Variants in ERCC6 observed in about 807,000 individuals in gnomAD.
ERCC6 encodes the protein DNA excision repair protein ERCC-6.
In ERCC6, 116 loss-of-function variants were observed where a neutral mutation model predicts 158.7. The observed-to-expected ratio is 0.73, with a 90% CI of 0.63 to 0.85. The LOEUF is 0.85. Among genes scored for constraint, ERCC6 ranks in the 40% least tolerant of loss-of-function variants. ERCC6 has a pLI of 0.00. For missense variants in ERCC6, 1,698 were observed against 1,799.4 expected (o/e 0.94, Z 1.02); for synonymous variants, 678 against 659.3 (o/e 1.03, Z -0.43).
At chr10:49,478,605 T>C (rs572788644) in intron 10 of ERCC6, 135 bp from the exon 11 acceptor site, 25 of 720,530 alleles carry the variant, frequency 3.5e-5, no homozygotes, top group Admixed American at 1.8e-4. Flanking sequence ...TGGGAAATGA[T>C]TGCAAAATGG....
In ERCC6 at chr10:49,486,489, ACT is replaced by A. The variant is rs1851080537; in HGVS notation, c.1822-2975_1822-2974del. Among the ~76,000 whole-genome samples the A allele has an allele frequency of 2.6e-5, 4 of 152,210 alleles. No individual in the cohort carries two copies. The South Asian group carries it at 8.3e-4, about 32-fold the overall frequency. On this transcript the variant is annotated intron_variant, in intron 8 of 20. Coordinates refer to ENST00000355832, the MANE Select transcript of ERCC6 (RefSeq NM_000124.4). ...GAATTGATAAAGCAAAATAATAATA[ACT>A]CTTTGGAAAGACTAAACCAAACAAA...
rs1032901560 is a variant in ERCC6, at chr10:49,501,671, T to C, written c.1527-975A>G. 13 of 152,100 alleles carry C rather than the reference T, an allele frequency of 8.5e-5. 1 individual carries two copies. The highest frequency in any genetic ancestry group is 6.6e-4 in the Admixed American group (10 of 15,266). The allele number at this position is 152,100 out of a possible 1,614,324, so 9.4% of individuals were successfully genotyped here. A position where few individuals can be genotyped will look rare whatever the true frequency, so the allele number is the denominator to read the frequency against. ...AAAAACCACTTGAATTAAAAGATGA[T>C]AGGTTAGATGAGGTGGCTCATGCCT... On this transcript the variant is annotated intron_variant, in intron 6 of 20. Transcript: ENST00000355832.
At position 49,474,090 on chromosome 10, in the gene ERCC6, C is replaced by G; in HGVS notation, c.2535G>C (p.Glu845Asp). ...WKRSGKMIVVESLLKIWHKQG... is the reference protein window; with the variant it reads ...WKRSGKMIVVDSLLKIWHKQG... ...GCTTGTGCCATATTTTCAACAAAGACTCAACAACAATCATTTTCCCAGAAC... is the reference window on the plus strand; with the variant it reads ...GCTTGTGCCATATTTTCAACAAAGAGTCAACAACAATCATTTTCCCAGAAC... Residue 845 changes from glutamate (E) to aspartate (D), a missense_variant, in exon 13 of 21, where the codon GAG (glutamate) becomes GAC (aspartate). By Grantham distance (45) the Glu-to-Asp change is conservative. Transcript: ENST00000355832. 1.2e-6 allele frequency: 2 copies of G among 1,614,164 alleles called. No individual in the cohort carries two copies. Among genetic ancestry groups the G allele is most frequent in the Non-Finnish European group, 1.7e-6 (2 of 1,180,032 alleles).
the ERCC6 span, among the ~76,000 whole-genome samples, chr10:49,438,127 T>C: frequency 1.3e-5 from 2 of 152,140 alleles, no homozygotes; most frequent in Non-Finnish European, 2.9e-5. Flanking sequence ...ACACTGCAGA[T>C]CCAGTGTGGA....
In ERCC6 at chr10:49,524,134, T is replaced by C; in HGVS notation, c.1296A>G (p.Glu432=). 1 of 1,614,140 alleles carries C rather than the reference T, an allele frequency of 6.2e-7. No homozygotes were observed. The highest frequency in any genetic ancestry group is 2.2e-5 in the East Asian group (1 of 44,892). The change falls in exon 5 of 21, where the codon GAA becomes GAG. Residue 432 remains glutamate, a synonymous_variant. Transcript: ENST00000355832. ...IDDDFFPSSG[E]EAEAASVGEG... ...CTCCTACAGAAGCAGCTTCAGCTTC[T>C]TCCCCAGAACTTGGGAAAAAGTCAT...
intron 1 of ERCC6, among the ~76,000 whole-genome samples, chr10:49,534,133 C>CAAAAAA (rs746772551): frequency 1.5e-4 from 9 of 60,288 alleles, no homozygotes; most frequent in East Asian, 4.8e-4. Context: ...GACTCAATCT[C>CAAAAAA]AAAAAAAAAA....
intron 5 of ERCC6, chr10:49,515,802 G>C: frequency 6.2e-7 from 1 of 1,614,110 alleles, no homozygotes; most frequent in African/African-American, 1.3e-5. Flanking sequence ...CAGTTTCTGG[G>C]AGTAACGACT....
chr10:49,459,439 TA>T (rs1007428054), intron 20 of ERCC6, among the ~76,000 whole-genome samples: 1 of 150,158 alleles, frequency 6.7e-6, no homozygotes. Context: ...GACCGTTTCC[TA>T]AAAAAAAATA....
chr10:49,478,208 A>G, intron 11 of ERCC6, 146 bp downstream of exon 11: 1 of 763,716 alleles, frequency 1.3e-6, no homozygotes, highest in South Asian at 1.4e-5. Flanking sequence ...GAATCCACTG[A>G]GGGCAGACGC....
At chr10:49,454,269 C>T (rs1387361608), downstream of ERCC6, among the ~76,000 whole-genome samples, 1 of 152,094 alleles carries the variant, frequency 6.6e-6, no homozygotes, top group Non-Finnish European at 1.5e-5. Flanking sequence ...TAGTTTTTAA[C>T]TTCATGAATT....
At chr10:49,451,438 G>A (rs968679213), downstream of ERCC6, among the ~76,000 whole-genome samples, 3 of 151,986 alleles carry the variant, frequency 2.0e-5, no homozygotes, top group African/African-American at 4.8e-5. Flanking sequence ...TTCTTTATCA[G>A]GTTAAGGTAG....
chr10:49,498,813 C>T (rs1851308301), intron 7 of ERCC6, among the ~76,000 whole-genome samples: 1 of 152,096 alleles, frequency 6.6e-6, no homozygotes, highest in South Asian at 2.1e-4. Context: ...GACCTGAGCA[C>T]TGGACTCCAC....
chr10:49,449,974 G>C (rs1433861776), downstream of ERCC6, among the ~76,000 whole-genome samples: 1 of 152,118 alleles, frequency 6.6e-6, no homozygotes, highest in Non-Finnish European at 1.5e-5. Flanking sequence ...CTGGGCTCAA[G>C]TGATCCTCTC....
At chr10:49,441,351 G>A in the ERCC6 span, among the ~76,000 whole-genome samples, 449 of 152,288 alleles carry the variant, frequency 2.9e-3, no homozygotes, top group Middle Eastern at 0.01. Context: ...TATGGAGGCC[G>A]AGGAAAACCC....
rs938049606 is a variant in ERCC6, at chr10:49,515,537, G to C, written c.1397+8496C>G. On this transcript the variant is annotated intron_variant, in intron 5 of 20. Coordinates refer to ENST00000355832, the MANE Select transcript of ERCC6 (RefSeq NM_000124.4). ...GGCCAGGTTCTGGAGGATGACCATG[G>C]GTCTCCAGATAATGGCATACCACAC... 6 of 1,613,906 alleles carry C rather than the reference G, an allele frequency of 3.7e-6. No individual in the cohort carries two copies. The Admixed American group carries it at 8.3e-5, about 22-fold the overall frequency.
At chr10:49,512,787 G>T (rs1356346131) in intron 5 of ERCC6, among the ~76,000 whole-genome samples, 1 of 152,184 alleles carries the variant, frequency 6.6e-6, no homozygotes, top group Admixed American at 6.5e-5. Flanking sequence ...AATATTTTGT[G>T]CATGAAACGA....
At chr10:49,453,209 A>C, downstream of ERCC6, among the ~76,000 whole-genome samples, 1 of 152,094 alleles carries the variant, frequency 6.6e-6, no homozygotes, top group Non-Finnish European at 1.5e-5. Flanking sequence ...TTATTTTATT[A>C]GTGGTTGCTC....
At chr10:49,436,632 C>A in the ERCC6 span, among the ~76,000 whole-genome samples, 1 of 152,138 alleles carries the variant, frequency 6.6e-6, no homozygotes, top group Non-Finnish European at 1.5e-5. Flanking sequence ...AAATTAAAGT[C>A]TGATAGCATT....
Position 49,524,298 on chromosome 10 carries a change from CTG to C in ERCC6, c.1130_1131del (p.Thr377ArgfsTer9). ...SEGEESEYFP[T>X]EEEEEEEDDE... ...TCATCTTCCTCCTCTTCCTCCTCCT[CTG>C]TGGGGAAATACTCAGACTCTTCACC... is the stretch of plus-strand genomic sequence containing the variant. On this transcript the variant is annotated frameshift_variant, in exon 5 of 21. Coordinates refer to ENST00000355832, the MANE Select transcript of ERCC6 (RefSeq NM_000124.4). LOFTEE classifies it high-confidence loss of function. The C allele has an allele frequency of 6.2e-7, 1 of 1,614,052 alleles. No individual in the cohort carries two copies. Among genetic ancestry groups the C allele is most frequent in the African/African-American group, 1.3e-5 (1 of 75,060 alleles).
Sources: allele counts gnomAD v4.1 joint callset (sites outside exome capture counted in the v4.1 genomes callset), GRCh38; gene constraint gnomAD v4.1.1; transcripts MANE v1.5; gene names NCBI Gene and HGNC (gene_info 2026-07-23, HGNC 2026-07-21).